CPEB4: variants seen among roughly 807,000 people sequenced by gnomAD.
CPEB4 encodes the protein cytoplasmic polyadenylation element binding protein 4.
CPEB4 carries 12 observed loss-of-function variants against 72.5 expected under a neutral mutation model. That is an observed-to-expected ratio of 0.17 (90% CI 0.11 to 0.27). CPEB4 has a LOEUF of 0.27. CPEB4 is among the 10% of genes least tolerant of loss of function. The pLI, the probability that CPEB4 is intolerant of heterozygous loss-of-function variation, is 1.00. For missense variants in CPEB4, 614 were observed against 908.5 expected, an observed-to-expected ratio of 0.68 and a Z score of 4.17; for synonymous variants, 302 against 326.3, an observed-to-expected ratio of 0.93 and a Z score of 0.80.
intron 3 of CPEB4, 66 bp downstream of exon 3, chr5:173,932,566 T>A: frequency 8.2e-7 from 1 of 1,212,468 alleles, no homozygotes; most frequent in Non-Finnish European, 1.2e-6. Flanking sequence ...GCTTCAGCAG[T>A]GGAGAAATGA....
intron 8 of CPEB4, 106 bp downstream of exon 8, chr5:173,952,044 G>C: frequency 1.4e-6 from 1 of 733,466 alleles, no homozygotes; most frequent in Non-Finnish European, 2.4e-6. Flanking sequence ...AAGAGTGAGA[G>C]TTCTAGAATC....
At chr5:173,903,406 C>T (rs1756309978) in intron 1 of CPEB4, among the ~76,000 whole-genome samples, 1 of 152,198 alleles carries the variant, frequency 6.6e-6, no homozygotes, top group Non-Finnish European at 1.5e-5. Context: ...AAGCACACCC[C>T]TAAGGATCTA....
intron 2 of CPEB4, 74 bp downstream of exon 2, chr5:173,910,678 C>T (rs1471186844): frequency 1.1e-6 from 1 of 946,012 alleles, no homozygotes; most frequent in Non-Finnish European, 1.7e-6. Flanking sequence ...ATCTGATACA[C>T]AGTATGGCAA....
chr5:173,943,699 G>A (rs887394232), intron 4 of CPEB4, among the ~76,000 whole-genome samples: 1 of 152,106 alleles, frequency 6.6e-6, no homozygotes, highest in African/African-American at 2.4e-5. Context: ...ATTTTTTTAA[G>A]ATCATTCATG....
At chr5:173,951,693 A>G (rs1758221583) in intron 7 of CPEB4, 131 bp from the exon 8 acceptor site, 1 of 616,670 alleles carries the variant, frequency 1.6e-6, no homozygotes. Flanking sequence ...TAAATCTTCT[A>G]GTTTCCCAGC....
chr5:173,947,402 A>G (rs1045948454), intron 5 of CPEB4, among the ~76,000 whole-genome samples: 2 of 152,020 alleles, frequency 1.3e-5, no homozygotes, highest in Admixed American at 6.5e-5. Context: ...ATGTATGTAG[A>G]GGGGGCTTGC....
intron 2 of CPEB4, among the ~76,000 whole-genome samples, chr5:173,921,872 G>C (rs1158704824): frequency 1.3e-5 from 2 of 152,218 alleles, no homozygotes; most frequent in Non-Finnish European, 2.9e-5. Flanking sequence ...GCATTAACCA[G>C]TTTCAAGTGA....
In CPEB4 at chr5:173,953,100, C is replaced by G; in HGVS notation, c.1790C>G (p.Ala597Gly). Residue 597 changes from alanine to glycine, a missense_variant, in exon 9 of 10, where the codon GCG (alanine) becomes GGG (glycine). Ala to Gly is a moderately conservative substitution (Grantham distance 60). This residue lies in a region of CPEB4 where 101 missense variants were observed against 243.1 expected (regional missense o/e 0.42). Coordinates refer to ENST00000265085, the MANE Select transcript of CPEB4 (RefSeq NM_030627.4). ...VPRPLRAVEL[A>G]MIMDRLYGGV... ...TTCCTTTCTTAATTAGTGGAGCTTG[C>G]GATGATAATGGATCGGCTATATGGA... 1 of 1,597,210 alleles carries G rather than the reference C, an allele frequency of 6.3e-7. No homozygotes were observed. Among genetic ancestry groups the G allele is most frequent in the Non-Finnish European group, 8.5e-7 (1 of 1,170,738 alleles).
intron 1 of CPEB4, among the ~76,000 whole-genome samples, chr5:173,902,995 T>C (rs924988118): frequency 6.6e-6 from 1 of 151,674 alleles, no homozygotes; most frequent in Admixed American, 6.6e-5. Context: ...ATTTGACCAG[T>C]TGTGAGAGAG....
chr5:173,913,166 T>G (rs1266296052), intron 2 of CPEB4, among the ~76,000 whole-genome samples: 1 of 151,874 alleles, frequency 6.6e-6, no homozygotes, highest in Non-Finnish European at 1.5e-5. Context: ...AACTAATACT[T>G]AGGTTAGATA....
intron 1 of CPEB4, chr5:173,891,251 A>G (rs72810983): frequency 0.22 from 34,150 of 152,180 alleles, 5,019 homozygotes; most frequent in Non-Finnish European, 0.31. Flanking sequence ...AAGTAACTAT[A>G]TAACTAAACA....
At position 173,957,880 on chromosome 5, in the gene CPEB4, T is replaced by C. The variant is rs1758429159; in HGVS notation, c.*1743T>C. 6.5e-6 allele frequency: 1 copy of C among 152,762 alleles called. No homozygotes were observed. The highest frequency in any genetic ancestry group is 2.1e-4 in the South Asian group (1 of 4,832). The allele number at this position is 152,762 out of a possible 1,614,324, so 9.5% of individuals were successfully genotyped here. On this transcript the variant is annotated 3_prime_UTR_variant, in exon 10 of 10. Coordinates refer to ENST00000265085, the MANE Select transcript of CPEB4 (RefSeq NM_030627.4). The stretch of plus-strand genomic sequence containing the variant: ...AACTATACCTGTTAAGTTCCAAAGG[T>C]CAAAATGGAGGCATTTGCTGTCTAA...
At chr5:173,898,603 C>T (rs544132275) in intron 1 of CPEB4, among the ~76,000 whole-genome samples, 3 of 152,276 alleles carry the variant, frequency 2.0e-5, no homozygotes, top group South Asian at 4.2e-4. Context: ...AATATTAAGT[C>T]AAAGTTTTAT....
chr5:173,930,662 C>A (rs1458697366), intron 2 of CPEB4, among the ~76,000 whole-genome samples: 1 of 152,070 alleles, frequency 6.6e-6, no homozygotes, highest in Admixed American at 6.5e-5. Context: ...AACTTAGTTT[C>A]TTTTAAATCC....
intron 2 of CPEB4, among the ~76,000 whole-genome samples, chr5:173,911,355 C>T (rs1383202073): frequency 6.6e-6 from 1 of 151,924 alleles, no homozygotes; most frequent in Non-Finnish European, 1.5e-5. Context: ...CTCCGCCTCC[C>T]AGGCTCACGC....
chr5:173,904,562 G>A (rs1561608507), intron 1 of CPEB4, among the ~76,000 whole-genome samples: 1 of 152,160 alleles, frequency 6.6e-6, no homozygotes, highest in Non-Finnish European at 1.5e-5. Flanking sequence ...ATATTTGAGT[G>A]CCTACTGTTT....
chr5:173,940,509 G>A (rs1757799823), intron 3 of CPEB4, among the ~76,000 whole-genome samples: 1 of 152,152 alleles, frequency 6.6e-6, no homozygotes, highest in Non-Finnish European at 1.5e-5. Context: ...AAATAAGTGA[G>A]GAAAAGTGCT....
intron 2 of CPEB4, among the ~76,000 whole-genome samples, chr5:173,918,603 G>C (rs1756963329): frequency 6.6e-6 from 1 of 152,164 alleles, no homozygotes; most frequent in Non-Finnish European, 1.5e-5. Context: ...TCTAGCCTCT[G>C]AATGGAAACC....
In CPEB4 at chr5:173,905,000, AT is replaced by A. The variant is rs1276393084; in HGVS notation, c.1126-5522del. On this transcript the variant is annotated intron_variant, in intron 1 of 9. Transcript: ENST00000265085. ...AATAATAATAATAATAATAATAATA[AT>A]AATAATAATAATAATAAAAAAATGT... Among the ~76,000 whole-genome samples the A allele has an allele frequency of 2.1e-4, 25 of 121,236 alleles. 1 individual carries two copies. Among genetic ancestry groups the A allele is most frequent in the African/African-American group, 5.4e-4 (18 of 33,094 alleles). 79.5% of individuals were successfully genotyped at this position (121,236 alleles called of 152,430 possible). A position where few individuals can be genotyped will look rare whatever the true frequency, so the allele number is the denominator to read the frequency against.
Sources: gnomAD v4.1 joint callset for allele counts (sites outside exome capture counted in the v4.1 genomes callset) on GRCh38, gnomAD v4.1.1 for gene constraint, gnomAD v4.1.1 regional missense constraint, MANE v1.5 for transcripts, NCBI Gene and HGNC (gene_info 2026-07-23, HGNC 2026-07-21) for gene names.